The following FHIT variants were observed in gnomAD, a reference collection of about 807,000 sequenced individuals.
The protein encoded by FHIT is fragile histidine triad diadenosine triphosphatase.
Under a neutral mutation model 17.9 loss-of-function variants are expected in FHIT, and 19 were observed. The observed-to-expected ratio is 1.06, with a 90% CI of 0.74 to 1.56. The LOEUF (loss-of-function observed/expected upper bound fraction) is 1.56. Among genes scored for constraint, FHIT ranks in the 40% most tolerant of loss-of-function variants. The probability of loss-of-function intolerance (pLI) is 0.00; values close to 1 mark genes in which losing one functional copy is unlikely to be tolerated. For missense variants in FHIT, 248 were observed against 189.2 expected, an observed-to-expected ratio of 1.31 and a Z score of -1.82; for synonymous variants, 81 against 69.7, an observed-to-expected ratio of 1.16 and a Z score of -0.81.
chr3:60,013,987 T>G lies in FHIT; in HGVS notation c.249+20A>C. 1 of 1,612,014 alleles carries G rather than the reference T, an allele frequency of 6.2e-7. No individual in the cohort carries two copies. The highest frequency in any genetic ancestry group is 1.1e-5 in the South Asian group (1 of 90,982). On this transcript the variant is annotated intron_variant, in intron 6 of 9. Transcript: ENST00000492590. ...TATGAAAGGGAAGAAAAATCATTTC[T>G]GAGAAATCTGTACACTCACCTGCAT... is the stretch of plus-strand genomic sequence containing the variant.
chr3:60,326,601 G>C (rs993224240), intron 5 of FHIT, among the ~76,000 whole-genome samples: 2 of 152,138 alleles, frequency 1.3e-5, no homozygotes, highest in Non-Finnish European at 2.9e-5. Flanking sequence ...ATGACGCAGG[G>C]GCTGGGGACC....
intron 4 of FHIT, among the ~76,000 whole-genome samples, chr3:60,818,425 A>T (rs1273229310): frequency 6.6e-6 from 1 of 152,108 alleles, no homozygotes; most frequent in Admixed American, 6.6e-5. Context: ...CAAATTTAAA[A>T]CTATCCCTTG....
At chr3:60,270,577 C>A (rs991961964) in intron 5 of FHIT, among the ~76,000 whole-genome samples, 2 of 152,142 alleles carry the variant, frequency 1.3e-5, no homozygotes, top group African/African-American at 2.4e-5. Context: ...AGATTGAAAT[C>A]TGTAACTGGT....
At chr3:60,972,082 C>G (rs1281366516) in intron 3 of FHIT, among the ~76,000 whole-genome samples, 3 of 152,066 alleles carry the variant, frequency 2.0e-5, no homozygotes, top group Non-Finnish European at 4.4e-5. Context: ...TTAAATTGTT[C>G]TATCTTTAGT....
At chr3:60,380,396 C>T (rs1700748508) in intron 5 of FHIT, among the ~76,000 whole-genome samples, 1 of 152,190 alleles carries the variant, frequency 6.6e-6, no homozygotes, top group Non-Finnish European at 1.5e-5. Context: ...TGGTGCCATG[C>T]TTGTACACCC....
At chr3:61,071,971 C>G (rs958027575) in intron 2 of FHIT, among the ~76,000 whole-genome samples, 1 of 152,172 alleles carries the variant, frequency 6.6e-6, no homozygotes, top group Non-Finnish European at 1.5e-5. Flanking sequence ...CTGGAATATT[C>G]TAGTGACACA....
At chr3:60,828,782 G>A (rs1421999722) in intron 3 of FHIT, among the ~76,000 whole-genome samples, 2 of 152,180 alleles carry the variant, frequency 1.3e-5, no homozygotes, top group South Asian at 2.1e-4. Flanking sequence ...GGAGACTGAG[G>A]CAGGAGATTC....
chr3:60,873,132 GGAGAGGGAGAGAGA>G, intron 3 of FHIT, among the ~76,000 whole-genome samples: 1 of 139,912 alleles, frequency 7.1e-6, no homozygotes, highest in East Asian at 2.0e-4. Flanking sequence ...AGGGAGAGAG[GGAGAGGGAGAGAGA>G]GAGAGAGAGA....
At chr3:59,767,231 G>T (rs1559587047) in intron 8 of FHIT, among the ~76,000 whole-genome samples, 1 of 152,170 alleles carries the variant, frequency 6.6e-6, no homozygotes, top group South Asian at 2.1e-4. Context: ...GGGCGCGGTG[G>T]CTCACGCCTG....
At chr3:60,269,907 G>T (rs1706778581) in intron 5 of FHIT, among the ~76,000 whole-genome samples, 1 of 152,148 alleles carries the variant, frequency 6.6e-6, no homozygotes, top group Non-Finnish European at 1.5e-5. Flanking sequence ...AACATTTGCT[G>T]ACCTTGTAAT....
chr3:59,986,204 A>T (rs1333862062), intron 7 of FHIT, among the ~76,000 whole-genome samples: 1 of 151,978 alleles, frequency 6.6e-6, no homozygotes, highest in East Asian at 1.9e-4. Context: ...TTCTTTCCAA[A>T]AACAAGGAAA....
At chr3:59,818,616 A>G (rs1425753987) in intron 8 of FHIT, among the ~76,000 whole-genome samples, 1 of 152,222 alleles carries the variant, frequency 6.6e-6, no homozygotes, top group East Asian at 1.9e-4. Flanking sequence ...CTTTACAAAA[A>G]GTAACATTTG....
intron 7 of FHIT, among the ~76,000 whole-genome samples, chr3:59,962,004 C>T: frequency 6.6e-6 from 1 of 152,268 alleles, no homozygotes; most frequent in South Asian, 2.1e-4. Flanking sequence ...TAAATCAATG[C>T]AGCCTCTCAA....
intron 3 of FHIT, among the ~76,000 whole-genome samples, chr3:60,825,830 G>A (rs1553740773): frequency 1.3e-5 from 2 of 152,272 alleles, no homozygotes; most frequent in African/African-American, 4.8e-5. Flanking sequence ...ACACATATAT[G>A]TATGTAAAAG....
chr3:60,772,915 T>A (rs1428216733), intron 4 of FHIT, among the ~76,000 whole-genome samples: 1 of 152,044 alleles, frequency 6.6e-6, no homozygotes, highest in Admixed American at 6.5e-5. Flanking sequence ...TATGATTAAA[T>A]CTCCAACCCA....
intron 5 of FHIT, among the ~76,000 whole-genome samples, chr3:60,177,876 C>T (rs544471773): frequency 1.6e-4 from 24 of 152,146 alleles, no homozygotes; most frequent in Non-Finnish European, 3.1e-4. Context: ...TGGGTCAGTG[C>T]TGTGAATCTG....
chr3:59,759,386 T>G (rs1374255503), intron 8 of FHIT, among the ~76,000 whole-genome samples: 1 of 152,128 alleles, frequency 6.6e-6, no homozygotes, highest in African/African-American at 2.4e-5. Flanking sequence ...AGAGAAAGTT[T>G]GGGAGAGGGG....
At chr3:60,244,117 T>C (rs569105377) in intron 5 of FHIT, among the ~76,000 whole-genome samples, 2 of 152,062 alleles carry the variant, frequency 1.3e-5, no homozygotes, top group Non-Finnish European at 2.9e-5. Context: ...GCTTTTCTGA[T>C]CACAGCAATT....
intron 4 of FHIT, among the ~76,000 whole-genome samples, chr3:60,581,136 A>T (rs554915244): frequency 6.6e-6 from 1 of 152,276 alleles, no homozygotes; most frequent in South Asian, 2.1e-4. Flanking sequence ...TCACTCGCAC[A>T]CACATTATTT....
Sources: allele counts gnomAD v4.1 joint callset (sites outside exome capture counted in the v4.1 genomes callset), GRCh38; gene constraint gnomAD v4.1.1; transcripts MANE v1.5; gene names NCBI Gene and HGNC (gene_info 2026-07-23, HGNC 2026-07-21).